The following CLSTN2 variants were observed in gnomAD, a reference collection of about 807,000 sequenced individuals.
The protein encoded by CLSTN2 is calsyntenin 2.
A neutral mutation model predicts 101.2 loss-of-function variants in CLSTN2; 48 were observed. That is an observed-to-expected ratio of 0.47 (90% CI 0.38 to 0.60). The LOEUF is 0.60. Among genes scored for constraint, CLSTN2 ranks in the 20% least tolerant of loss-of-function variants. The pLI, the probability that CLSTN2 is intolerant of heterozygous loss-of-function variation, is 0.00. For synonymous variants in CLSTN2, 481 were observed against 463.6 expected (o/e 1.04, Z -0.48); for missense variants, 1,160 against 1,238.2 (o/e 0.94, Z 0.95).
chr3:140,462,006 T>TAATGAAAGAATTCAAGTATAGACATA (rs147930745), intron 7 of CLSTN2, among the ~76,000 whole-genome samples: 1 of 151,088 alleles, frequency 6.6e-6, no homozygotes, highest in Admixed American at 6.6e-5. Flanking sequence ...TTTTTTCAAG[T>TAATGAAAGAATTCAAGTATAGACATA]CATAAAGCAA....
chr3:140,085,230 G>A (rs1179847037), intron 1 of CLSTN2, among the ~76,000 whole-genome samples: 5 of 152,214 alleles, frequency 3.3e-5, no homozygotes, highest in African/African-American at 1.2e-4. Flanking sequence ...TGTCACTGCT[G>A]TTGCATTGCT....
chr3:140,214,802 G>A (rs1039248011), intron 2 of CLSTN2, among the ~76,000 whole-genome samples: 2 of 152,180 alleles, frequency 1.3e-5, no homozygotes, highest in Non-Finnish European at 2.9e-5. Flanking sequence ...ATAATTTAAT[G>A]AAAGCAATCT....
At chr3:140,283,693 A>T (rs2086869824) in intron 2 of CLSTN2, among the ~76,000 whole-genome samples, 1 of 152,178 alleles carries the variant, frequency 6.6e-6, no homozygotes, top group Non-Finnish European at 1.5e-5. Flanking sequence ...ATGAGTCCAA[A>T]CAGAAAGCCT....
chr3:140,289,181 T>G (rs1383593050), intron 2 of CLSTN2, among the ~76,000 whole-genome samples: 1 of 152,114 alleles, frequency 6.6e-6, no homozygotes, highest in African/African-American at 2.4e-5. Context: ...CAGAATTCTA[T>G]GAGATAAGCT....
At chr3:140,402,626 G>A (rs917914722) in intron 2 of CLSTN2, among the ~76,000 whole-genome samples, 2 of 152,136 alleles carry the variant, frequency 1.3e-5, no homozygotes, top group Admixed American at 1.3e-4. Context: ...TGAGAGCAAG[G>A]CCCCATTAAA....
intron 8 of CLSTN2, among the ~76,000 whole-genome samples, chr3:140,529,405 T>A (rs1935209973): frequency 6.6e-6 from 1 of 152,192 alleles, no homozygotes; most frequent in South Asian, 2.1e-4. Flanking sequence ...ACATACTTGG[T>A]GCGGCTGGAT....
At chr3:140,475,213 T>C (rs913008956) in intron 8 of CLSTN2, among the ~76,000 whole-genome samples, 5 of 151,876 alleles carry the variant, frequency 3.3e-5, no homozygotes, top group Non-Finnish European at 5.9e-5. Context: ...AAGGAGGGAG[T>C]CACCAAGAGA....
chr3:140,231,862 AG>A (rs571875524), intron 2 of CLSTN2, among the ~76,000 whole-genome samples: 57 of 152,312 alleles, frequency 3.7e-4, no homozygotes, highest in African/African-American at 1.2e-3. Flanking sequence ...TGTAGTAGTT[AG>A]GAGCACAGAC....
At chr3:140,098,110 AAAAAC>A (rs1386745473) in intron 1 of CLSTN2, among the ~76,000 whole-genome samples, 1 of 152,278 alleles carries the variant, frequency 6.6e-6, no homozygotes, top group African/African-American at 2.4e-5. Flanking sequence ...AGCAGAGACA[AAAAAC>A]AAAACAAAAC....
chr3:140,570,761 G>A lies in CLSTN2; in HGVS notation c.*4508G>A, dbSNP rs989720795. 2.0e-5 allele frequency: 3 copies of A among 152,082 alleles called. No individual in the cohort carries two copies. The highest frequency in any genetic ancestry group is 2.9e-5 in the Non-Finnish European group (2 of 68,020). The allele number at this position is 152,082 out of a possible 1,614,324, so 9.4% of individuals were successfully genotyped here. A position where few individuals can be genotyped will look rare whatever the true frequency, so the allele number is the denominator to read the frequency against. On this transcript the variant is annotated 3_prime_UTR_variant, in exon 17 of 17. Transcript: ENST00000458420. ...ACCTTCCTCAGCCCACAGGCCATAC[G>A]AAAATTAGCAGCCAGCTAGATTTGG...
chr3:140,503,930 G>A (rs868274431), intron 8 of CLSTN2, among the ~76,000 whole-genome samples: 2 of 152,284 alleles, frequency 1.3e-5, no homozygotes, highest in Middle Eastern at 3.4e-3. Context: ...TACAGGTGAT[G>A]AGGACCTTTG....
intron 2 of CLSTN2, among the ~76,000 whole-genome samples, chr3:140,380,793 A>G (rs896500947): frequency 6.6e-6 from 1 of 152,188 alleles, no homozygotes; most frequent in Non-Finnish European, 1.5e-5. Flanking sequence ...CAGGCAACCC[A>G]TGGCTGAACT....
At chr3:140,007,941 A>G (rs964123107) in intron 1 of CLSTN2, among the ~76,000 whole-genome samples, 2 of 152,180 alleles carry the variant, frequency 1.3e-5, no homozygotes, top group African/African-American at 4.8e-5. Context: ...TTTTCACAGC[A>G]CGTGCTGATC....
At chr3:140,530,891 C>T (rs544275344) in intron 8 of CLSTN2, among the ~76,000 whole-genome samples, 14 of 152,326 alleles carry the variant, frequency 9.2e-5, no homozygotes, top group Admixed American at 8.5e-4. Flanking sequence ...GGATGTGAAC[C>T]GCATTCCAGG....
chr3:140,562,871 G>A lies in CLSTN2; in HGVS notation c.2273G>A (p.Arg758His), dbSNP rs1489606900. The change falls in exon 14 of 17, where the codon CGT (arginine) becomes CAT (histidine). Residue 758 changes from arginine (R) to histidine (H), a missense_variant. Arg to His is a conservative substitution (Grantham distance 29, BLOSUM62 0). Transcript: ENST00000458420. ...CATCACATCCGCTACCGCAACTGGC[G>A]TCCGGCTTCCCTTGAGGCCCGGCGT... ...VLHHIRYRNW[R>H]PASLEARRFR... The A allele has an allele frequency of 2.2e-5, 35 of 1,613,982 alleles. No individual in the cohort carries two copies. Among genetic ancestry groups the A allele is most frequent in the South Asian group, 7.7e-5 (7 of 91,078 alleles).
rs573343291 is a variant in CLSTN2 at position 140,459,657 on chromosome 3, T to G, written c.1110T>G (p.Ile370Met). ...GRQGAKVPDGIVPKNLTDQFT... is the reference protein window; with the variant it reads ...GRQGAKVPDGMVPKNLTDQFT... The stretch of plus-strand genomic sequence containing the variant: ...AGGGTGCCAAAGTCCCCGATGGGAT[T>G]GTGCCCAAGAACCTGACCGATCAGT... The change falls in exon 7 of 17, where the codon ATT becomes ATG. Residue 370 changes from isoleucine to methionine, a missense_variant. Coordinates refer to ENST00000458420, the MANE Select transcript of CLSTN2 (RefSeq NM_022131.3). The G allele has an allele frequency of 8.7e-6, 14 of 1,614,148 alleles. No individual in the cohort carries two copies. Among genetic ancestry groups the G allele is most frequent in the African/African-American group, 2.7e-5 (2 of 75,044 alleles).
At chr3:140,314,456 G>C (rs2087207585) in intron 2 of CLSTN2, among the ~76,000 whole-genome samples, 1 of 152,128 alleles carries the variant, frequency 6.6e-6, no homozygotes, top group African/African-American at 2.4e-5. Context: ...CTGGATGAGA[G>C]CTGCTAACTC....
At chr3:140,250,585 G>A (rs2086554827) in intron 2 of CLSTN2, among the ~76,000 whole-genome samples, 1 of 152,198 alleles carries the variant, frequency 6.6e-6, no homozygotes, top group African/African-American at 2.4e-5. Context: ...TCCCTGGAGT[G>A]GTGTCAGAGC....
intron 5 of CLSTN2, among the ~76,000 whole-genome samples, chr3:140,434,727 C>T (rs182285097): frequency 6.6e-6 from 1 of 152,262 alleles, no homozygotes; most frequent in East Asian, 1.9e-4. Context: ...AGGGCATTTC[C>T]GTCCACTCTT....
Sources: allele counts gnomAD v4.1 joint callset (sites outside exome capture counted in the v4.1 genomes callset), GRCh38; gene constraint gnomAD v4.1.1; transcripts MANE v1.5; gene names NCBI Gene and HGNC (gene_info 2026-07-23, HGNC 2026-07-21).